Variants in OR10Z1 observed in about 807,000 individuals in gnomAD.
OR10Z1 encodes olfactory receptor family 10 subfamily Z member 1, also known as olfactory receptor 10Z1.
For synonymous variants in OR10Z1, 187 were observed against 151.2 expected, an observed-to-expected ratio of 1.24 and a Z score of -1.74; for missense variants, 468 against 371.0, an observed-to-expected ratio of 1.26 and a Z score of -2.15.
rs999719278 is a variant in OR10Z1, at chr1:158,610,031, T to C, written c.*2651T>C. 2 of 152,224 alleles carry C rather than the reference T, an allele frequency of 1.3e-5. No homozygotes were observed. Among genetic ancestry groups the C allele is most frequent in the African/African-American group, 4.8e-5 (2 of 41,458 alleles). The allele number at this position is 152,224 out of a possible 1,614,324, so 9.4% of individuals were successfully genotyped here. ...CAATTTAGACATTTGTGAACATTAA[T>C]TTTGAAAATACTTTCTGCTTGTTAT... is the stretch of plus-strand genomic sequence containing the variant. On this transcript the variant is annotated 3_prime_UTR_variant, in exon 2 of 2. Transcript: ENST00000641002.
At position 158,608,419 on chromosome 1, in the gene OR10Z1, T is replaced by C. The variant is rs998736403; in HGVS notation, c.*1039T>C. 6.6e-6 allele frequency: 1 copy of C among 151,552 alleles called. No homozygotes were observed. Among genetic ancestry groups the C allele is most frequent in the African/African-American group, 2.4e-5 (1 of 40,872 alleles). 9.4% of individuals were successfully genotyped at this position (151,552 alleles called of 1,614,324 possible). On this transcript the variant is annotated 3_prime_UTR_variant, in exon 2 of 2. Coordinates refer to ENST00000641002, the MANE Select transcript of OR10Z1 (RefSeq NM_001004478.2). ...TAGCTGTGTGACTCTAGGTAAGTTATTTAACATTTTTTTCAGCTTCCGAGT... is the reference window on the plus strand; with the variant it reads ...TAGCTGTGTGACTCTAGGTAAGTTACTTAACATTTTTTTCAGCTTCCGAGT...
chr1:158,609,075 A>C lies in OR10Z1; in HGVS notation c.*1695A>C, dbSNP rs12724903. ...AAGAGGCTTGAATATGGATAGTGAC[A>C]TTCAGAGACTGAAGGAAATCACAAA... is the stretch of plus-strand genomic sequence containing the variant. On this transcript the variant is annotated 3_prime_UTR_variant, in exon 2 of 2. Coordinates refer to ENST00000641002, the MANE Select transcript of OR10Z1 (RefSeq NM_001004478.2). The C allele has an allele frequency of 0.047, 7,165 of 152,268 alleles. 221 individuals are homozygous for C. Among genetic ancestry groups the C allele is most frequent in the Non-Finnish European group, 0.068 (4,595 of 68,006 alleles). 9.4% of individuals were successfully genotyped at this position (152,268 alleles called of 1,614,324 possible). A position where few individuals can be genotyped will look rare whatever the true frequency, so the allele number is the denominator to read the frequency against.
rs768546810 is a variant in OR10Z1, at chr1:158,611,400, TAA to T, written c.*4024_*4025del. 1 of 1,613,216 alleles carries T rather than the reference TAA, an allele frequency of 6.2e-7. No homozygotes were observed. Among genetic ancestry groups the T allele is most frequent in the East Asian group, 2.2e-5 (1 of 44,856 alleles). ...CTCTGGGGTAAGGGCCTGAAAAGTA[TAA>T]AAAGAGAAAAATACAGTTATAGGGA... On this transcript the variant is annotated 3_prime_UTR_variant, in exon 2 of 2. Transcript: ENST00000641002.
In OR10Z1 at chr1:158,605,285, G is replaced by C. The variant is rs903978862; in HGVS notation, c.-230G>C. The C allele has an allele frequency of 6.6e-6, 1 of 152,428 alleles. No individual in the cohort carries two copies. Among genetic ancestry groups the C allele is most frequent in the South Asian group, 2.1e-4 (1 of 4,832 alleles). 9.4% of individuals were successfully genotyped at this position (152,428 alleles called of 1,614,324 possible). Reference sequence around the variant, plus strand: ...CACTGCTCAGAGTAGGAGATTTCAAGATGCATCTCAAGTCTTTCTCCTGTG... The same window carrying C: ...CACTGCTCAGAGTAGGAGATTTCAACATGCATCTCAAGTCTTTCTCCTGTG... On this transcript the variant is annotated 5_prime_UTR_variant, in exon 1 of 2. Transcript: ENST00000641002.
rs771751113 is a variant in OR10Z1, at chr1:158,607,336, G to A, written c.898G>A (p.Ala300Thr). ...YSLRNRAIQT[A>T]LRNAFRGRLL... The stretch of plus-strand genomic sequence containing the variant: ...TCTAAGGAATAGGGCTATACAGACA[G>A]CTCTGAGGAATGCTTTCAGAGGGAG... The change falls in exon 2 of 2, where the codon GCT becomes ACT. Residue 300 changes from alanine to threonine, a missense_variant. Transcript: ENST00000641002. 5 of 1,613,520 alleles carry A rather than the reference G, an allele frequency of 3.1e-6. No individual in the cohort carries two copies. In the South Asian group the frequency reaches 4.4e-5, roughly 14 times the overall value.
At position 158,606,850 on chromosome 1, in the gene OR10Z1, C is replaced by T; in HGVS notation, c.412C>T (p.Pro138Ser). 6.2e-7 allele frequency: 1 copy of T among 1,614,048 alleles called. No homozygotes were observed. The highest frequency in any genetic ancestry group is 1.1e-5 in the South Asian group (1 of 91,074). ...ACTCCACTATGCCAGCCACATGAAT[C>T]CTACCCTCTGTGCCCAGCTGGTCAT... is the stretch of plus-strand genomic sequence containing the variant. ...APLHYASHMNPTLCAQLVITS... is the reference protein window; with the variant it reads ...APLHYASHMNSTLCAQLVITS... Residue 138 changes from proline (P) to serine (S), a missense_variant, in exon 2 of 2, where the codon CCT (proline) becomes TCT (serine). By Grantham distance (74) the Pro-to-Ser change is moderately conservative (BLOSUM62 -1). Transcript: ENST00000641002.
Position 158,611,134 on chromosome 1 carries a change from C to A in OR10Z1, c.*3754C>A. The A allele has an allele frequency of 2.4e-6, 1 of 423,648 alleles. No individual in the cohort carries two copies. The highest frequency in any genetic ancestry group is 7.1e-5 in the Admixed American group (1 of 14,154). 26.2% of individuals were successfully genotyped at this position (423,648 alleles called of 1,614,324 possible). A position where few individuals can be genotyped will look rare whatever the true frequency, so the allele number is the denominator to read the frequency against. ...TGTAATATGCACACAAACACAAGCACACACACACACACACACACACACACA... is the reference window on the plus strand; with the variant it reads ...TGTAATATGCACACAAACACAAGCAAACACACACACACACACACACACACA... On this transcript the variant is annotated 3_prime_UTR_variant, in exon 2 of 2. Coordinates refer to ENST00000641002, the MANE Select transcript of OR10Z1 (RefSeq NM_001004478.2).
In OR10Z1 at chr1:158,611,394, A is replaced by G. The variant is rs777231371; in HGVS notation, c.*4014A>G. ...CACTTGCTCTGGGGTAAGGGCCTGA[A>G]AAGTATAAAAAGAGAAAAATACAGT... On this transcript the variant is annotated 3_prime_UTR_variant, in exon 2 of 2. Transcript: ENST00000641002. The G allele has an allele frequency of 2.5e-6, 4 of 1,613,404 alleles. No homozygotes were observed. The highest frequency in any genetic ancestry group is 8.5e-7 in the Non-Finnish European group (1 of 1,179,532).
chr1:158,611,531 T>A lies in OR10Z1; in HGVS notation c.*4151T>A. ...CCCTATTTCTATTACACACAATTTT[T>A]ATCTCATAAATTTATAATTTCTAAT... On this transcript the variant is annotated 3_prime_UTR_variant, in exon 2 of 2. Transcript: ENST00000641002. The A allele has an allele frequency of 1.2e-6, 1 of 847,484 alleles. No individual in the cohort carries two copies. 52.5% of individuals were successfully genotyped at this position (847,484 alleles called of 1,614,324 possible). A position where few individuals can be genotyped will look rare whatever the true frequency, so the allele number is the denominator to read the frequency against.
In OR10Z1 at chr1:158,607,173, T is replaced by C. The variant is rs759041738; in HGVS notation, c.735T>C (p.Leu245=). 1.4e-5 allele frequency: 23 copies of C among 1,613,966 alleles called. No individual in the cohort carries two copies. The highest frequency in any genetic ancestry group is 1.9e-5 in the Non-Finnish European group (22 of 1,179,974). The stretch of plus-strand genomic sequence containing the variant: ...CCTTCTCCACTTGTGCCTCGCACCT[T>C]ACAGTGGTCATTATTCATTATGGCT... ...KKAFSTCASH[L]TVVIIHYGCA... is the part of the protein sequence containing the mutation. Residue 245 remains leucine, a synonymous_variant, in exon 2 of 2, where the codon CTT becomes CTC. Coordinates refer to ENST00000641002, the MANE Select transcript of OR10Z1 (RefSeq NM_001004478.2).
Position 158,607,086 on chromosome 1 carries a change from C to T in OR10Z1, c.648C>T (p.Ile216=). 2 of 1,614,072 alleles carry T rather than the reference C, an allele frequency of 1.2e-6. No individual in the cohort carries two copies. Among genetic ancestry groups the T allele is most frequent in the Non-Finnish European group, 1.7e-6 (2 of 1,179,996 alleles). The change falls in exon 2 of 2, where the codon ATC becomes ATT. Residue 216 remains isoleucine, a synonymous_variant. Coordinates refer to ENST00000641002, the MANE Select transcript of OR10Z1 (RefSeq NM_001004478.2). Reference sequence around the variant, plus strand: ...TGGTCTCCTTCTTCTTCATCACCATCTCCTACGCCTACATCTTGGCAGCAA... The same window carrying T: ...TGGTCTCCTTCTTCTTCATCACCATTTCCTACGCCTACATCTTGGCAGCAA... ...VLLVSFFFIT[I]SYAYILAAIL...
In OR10Z1 at chr1:158,611,519, A is replaced by T; in HGVS notation, c.*4139A>T. On this transcript the variant is annotated 3_prime_UTR_variant, in exon 2 of 2. Transcript: ENST00000641002. ...GGAAGACGCAAGCCCTATTTCTATTACACACAATTTTTATCTCATAAATTT... is the reference window on the plus strand; with the variant it reads ...GGAAGACGCAAGCCCTATTTCTATTTCACACAATTTTTATCTCATAAATTT... The T allele has an allele frequency of 1.0e-6, 1 of 980,306 alleles. No homozygotes were observed. Among genetic ancestry groups the T allele is most frequent in the Non-Finnish European group, 1.5e-6 (1 of 663,360 alleles). 60.7% of individuals were successfully genotyped at this position (980,306 alleles called of 1,614,324 possible). A position where few individuals can be genotyped will look rare whatever the true frequency, so the allele number is the denominator to read the frequency against.
In OR10Z1 at chr1:158,607,290, C is replaced by T. The variant is rs1649084402; in HGVS notation, c.852C>T (p.Leu284=). 1 of 1,614,040 alleles carries T rather than the reference C, an allele frequency of 6.2e-7. No homozygotes were observed. Among genetic ancestry groups the T allele is most frequent in the African/African-American group, 1.3e-5 (1 of 75,040 alleles). The change falls in exon 2 of 2, where the codon CTC becomes CTT. Residue 284 remains leucine (L), a synonymous_variant. Coordinates refer to ENST00000641002, the MANE Select transcript of OR10Z1 (RefSeq NM_001004478.2). ...IAMTYTVVTP[L]LNPIVYSLRN... is the part of the protein sequence containing the mutation. ...TGACCTATACTGTAGTGACCCCCCT[C>T]CTTAATCCCATTGTTTATAGTCTAA... is the stretch of plus-strand genomic sequence containing the variant.
Position 158,606,906 on chromosome 1 carries a change from A to T in OR10Z1, c.468A>T (p.Gly156=). Residue 156 remains glycine, a synonymous_variant, in exon 2 of 2, where the codon GGA becomes GGT. Coordinates refer to ENST00000641002, the MANE Select transcript of OR10Z1 (RefSeq NM_001004478.2). ...CCTTCCTGACTGGATACCTCTTTGGACTGGGAATGACACTAGTTATTTTCC... is the reference window on the plus strand; with the variant it reads ...CCTTCCTGACTGGATACCTCTTTGGTCTGGGAATGACACTAGTTATTTTCC... ...ITSFLTGYLF[G]LGMTLVIFHL... 1 of 1,613,772 alleles carries T rather than the reference A, an allele frequency of 6.2e-7. No homozygotes were observed. Among genetic ancestry groups the T allele is most frequent in the Non-Finnish European group, 8.5e-7 (1 of 1,179,924 alleles).
At chr1:158,605,768 G>C (rs1431408123) in intron 1 of OR10Z1, among the ~76,000 whole-genome samples, 1 of 152,120 alleles carries the variant, frequency 6.6e-6, no homozygotes, top group Non-Finnish European at 1.5e-5. Context: ...TACTGGTTCT[G>C]TGTGACTTCA....
Position 158,611,130 on chromosome 1 carries a change from A to AACACACAC in OR10Z1, c.*3750_*3751insACACACAC. ...TAAATGTAATATGCACACAAACACA[A>AACACACAC]GCACACACACACACACACACACACA... On this transcript the variant is annotated 3_prime_UTR_variant, in exon 2 of 2. Transcript: ENST00000641002. 1.1e-6 allele frequency: 1 copy of AACACACAC among 879,168 alleles called. No individual in the cohort carries two copies. Among genetic ancestry groups the AACACACAC allele is most frequent in the Non-Finnish European group, 1.7e-6 (1 of 605,394 alleles). The allele number at this position is 879,168 out of a possible 1,614,324, so 54.5% of individuals were successfully genotyped here.
In OR10Z1 at chr1:158,606,933, C is replaced by T; in HGVS notation, c.495C>T (p.His165=). ...FGLGMTLVIF[H]LSFCSSHEIQ... is the part of the protein sequence containing the mutation. ...TGGGAATGACACTAGTTATTTTCCA[C>T]CTCTCATTCTGCAGCTCCCATGAAA... is the stretch of plus-strand genomic sequence containing the variant. Residue 165 remains histidine, a synonymous_variant, in exon 2 of 2, where the codon CAC becomes CAT. Coordinates refer to ENST00000641002, the MANE Select transcript of OR10Z1 (RefSeq NM_001004478.2). The T allele has an allele frequency of 6.2e-7, 1 of 1,614,082 alleles. No homozygotes were observed. Among genetic ancestry groups the T allele is most frequent in the Non-Finnish European group, 8.5e-7 (1 of 1,180,004 alleles).
chr1:158,606,502 G>T lies in OR10Z1; in HGVS notation c.64G>T (p.Glu22Ter). 1 of 1,613,974 alleles carries T rather than the reference G, an allele frequency of 6.2e-7. No individual in the cohort carries two copies. The highest frequency in any genetic ancestry group is 1.3e-5 in the African/African-American group (1 of 75,004). The change falls in exon 2 of 2, where the codon GAG becomes TAG. Residue 22 changes from glutamate to a stop codon, truncating the protein, a stop_gained. Transcript: ENST00000641002. LOFTEE classifies it low-confidence loss of function (END_TRUNC). ...FVFLGFSSSG[E>*]LQLLLFALFL... ...CTTCCTGGGCTTCTCCAGTTCTGGG[G>T]AGTTGCAGCTCCTTCTCTTTGCCTT...
chr1:158,612,492 A>G lies in OR10Z1; in HGVS notation c.*5112A>G, dbSNP rs1649318843. The G allele has an allele frequency of 5.6e-6, 2 of 356,292 alleles. No homozygotes were observed. Among genetic ancestry groups the G allele is most frequent in the South Asian group, 2.4e-5 (1 of 41,736 alleles). The allele number at this position is 356,292 out of a possible 1,614,324, so 22.1% of individuals were successfully genotyped here. On this transcript the variant is annotated 3_prime_UTR_variant, in exon 2 of 2. Coordinates refer to ENST00000641002, the MANE Select transcript of OR10Z1 (RefSeq NM_001004478.2). ...CTGAATTTAGGGACTGTGTCTTACT[A>G]AAGTTTGCACTCCTCATGCCTGGAA...
Sources: gnomAD v4.1 joint callset for allele counts (sites outside exome capture counted in the v4.1 genomes callset) on GRCh38, gnomAD v4.1.1 for gene constraint, MANE v1.5 for transcripts, NCBI Gene and HGNC (gene_info 2026-07-23, HGNC 2026-07-21) for gene names.